PMS2: variants seen among roughly 807,000 people sequenced by gnomAD.
PMS2 encodes the protein PMS1 homolog 2, mismatch repair system component.
A neutral mutation model predicts 90.0 loss-of-function variants in PMS2; 69 were observed. The ratio of observed to expected loss-of-function variants is 0.77; its 90% CI spans 0.63 to 0.94. The LOEUF (loss-of-function observed/expected upper bound fraction) is 0.94. Among genes scored for constraint, PMS2 ranks in the 40% least tolerant of loss-of-function variants. The probability of loss-of-function intolerance (pLI) is 0.00; values close to 1 mark genes in which losing one functional copy is unlikely to be tolerated. For missense variants in PMS2, 966 were observed against 1,040.2 expected, an observed-to-expected ratio of 0.93 and a Z score of 0.98; for synonymous variants, 332 against 375.1, an observed-to-expected ratio of 0.89 and a Z score of 1.33.
At chr7:5,986,422 TGGC>T in intron 11 of PMS2, among the ~76,000 whole-genome samples, 1 of 149,384 alleles carries the variant, frequency 6.7e-6, no homozygotes, top group East Asian at 2.1e-4. Flanking sequence ...CCGGGTGTGG[TGGC>T]TCACACCTGT....
In PMS2 at chr7:5,982,926, A is replaced by G. The variant is rs1230422041; in HGVS notation, c.2072T>C (p.Leu691Pro). Residue 691 changes from leucine (L) to proline (P), a missense_variant, in exon 12 of 15, where the codon CTG becomes CCG. Coordinates refer to ENST00000265849, the MANE Select transcript of PMS2 (RefSeq NM_000535.7). ...QFNLGFIITKLNEDIFIVDQH... is the reference protein window; with the variant it reads ...QFNLGFIITKPNEDIFIVDQH... ...GTCCACTATGAAGATATCCTCATTC[A>G]GTTTGGTTATTATAAATCCCAGGTT... is the stretch of plus-strand genomic sequence containing the variant. 1.9e-6 allele frequency: 3 copies of G among 1,592,948 alleles called. No homozygotes were observed. The highest frequency in any genetic ancestry group is 2.6e-6 in the Non-Finnish European group (3 of 1,166,572).
chr7:5,995,613 T>G lies in PMS2; in HGVS notation c.824A>C (p.Gln275Pro), dbSNP rs546966892. 6.2e-7 allele frequency: 1 copy of G among 1,613,088 alleles called. No homozygotes were observed. The change falls in exon 8 of 15, where the codon CAA becomes CCA. Residue 275 changes from glutamine (Q) to proline (P), a missense_variant. Gln to Pro is a moderately conservative substitution (Grantham distance 76). Transcript: ENST00000265849. ...ACTCCTTCCAACTCCATGCGTGCATTGTGAAATGAAACCTGAGATGCTATT... is the reference window on the plus strand; with the variant it reads ...ACTCCTTCCAACTCCATGCGTGCATGGTGAAATGAAACCTGAGATGCTATT... ...NLFYISGFIS[Q>P]CTHGVGRSST... is the part of the protein sequence containing the mutation.
At chr7:5,998,757 C>T (rs1411524962) in intron 6 of PMS2, among the ~76,000 whole-genome samples, 1 of 151,006 alleles carries the variant, frequency 6.6e-6, no homozygotes, top group Non-Finnish European at 1.5e-5. Context: ...TTTGGGAGGC[C>T]GAGGCTGGTG....
rs1064794017 is a variant in PMS2, at chr7:5,999,170, C to T, written c.643G>A (p.Val215Ile). The change falls in exon 6 of 15, where the codon GTA becomes ATA. Residue 215 changes from valine to isoleucine, a missense_variant. Val to Ile is a conservative substitution (Grantham distance 29). Around this residue, in one of 2 missense-constraint regions of PMS2, gnomAD observed 871 missense variants for 802.4 expected, o/e 1.09. Coordinates refer to ENST00000265849, the MANE Select transcript of PMS2 (RefSeq NM_000535.7). ...ATGCTGGGGCTTCCACCTGTGCATACCACAGGCTGTCGTTTTCCTTGTCCA... is the reference window on the plus strand; with the variant it reads ...ATGCTGGGGCTTCCACCTGTGCATATCACAGGCTGTCGTTTTCCTTGTCCA... The part of the protein sequence containing the change: ...QLGQGKRQPV[V>I]CTGGSPSIKE... 4 of 1,614,038 alleles carry T rather than the reference C, an allele frequency of 2.5e-6. No individual in the cohort carries two copies. Among genetic ancestry groups the T allele is most frequent in the Non-Finnish European group, 3.4e-6 (4 of 1,179,946 alleles).
At chr7:5,988,071 A>AC (rs796876605) in intron 10 of PMS2, among the ~76,000 whole-genome samples, 62 of 144,658 alleles carry the variant, frequency 4.3e-4, no homozygotes, top group Middle Eastern at 3.4e-3. Context: ...AAAAAAAAAA[A>AC]AAAAAAACCA....
chr7:5,989,958 A>G lies in PMS2; in HGVS notation c.989-3T>C, dbSNP rs1156325177. ...AGTAACATTGATATCAACGCATTCT[A>G]AGGCAAAAAAGAAAACATATTTATT... is the stretch of plus-strand genomic sequence containing the variant. On this transcript the variant is annotated splice_polypyrimidine_tract_variant and splice_region_variant and intron_variant, in intron 9 of 14. Transcript: ENST00000265849. 2 of 1,569,564 alleles carry G rather than the reference A, an allele frequency of 1.3e-6. No individual in the cohort carries two copies. The highest frequency in any genetic ancestry group is 1.7e-5 in the Admixed American group (1 of 59,328).
intron 13 of PMS2, among the ~76,000 whole-genome samples, chr7:5,978,002 C>G (rs567486077): frequency 6.7e-6 from 1 of 150,048 alleles, no homozygotes; most frequent in South Asian, 2.1e-4. Context: ...CACCTGTAGT[C>G]CCAGCTACTC....
rs1170825702 is a variant in PMS2 at position 5,987,577 on chromosome 7, C to G, written c.1188G>C (p.Met396Ile). ...AAGGGGATTGATCCTGCTTTTCTAC[C>G]ATGGGCTTTTCCAAATCCGCTGCAT... The part of the protein sequence containing the change: ...KMHAADLEKP[M>I]VEKQDQSPSL... Residue 396 changes from methionine to isoleucine, a missense_variant, in exon 11 of 15, where the codon ATG becomes ATC. By Grantham distance (10) the Met-to-Ile change is conservative (BLOSUM62 1). Transcript: ENST00000265849. 2 of 1,612,064 alleles carry G rather than the reference C, an allele frequency of 1.2e-6. No individual in the cohort carries two copies. Among genetic ancestry groups the G allele is most frequent in the Non-Finnish European group, 1.7e-6 (2 of 1,178,422 alleles).
At chr7:6,008,936 G>A (rs2128864941) in intron 1 of PMS2, 61 bp downstream of exon 1, 2 of 1,597,932 alleles carry the variant, frequency 1.3e-6, no homozygotes, top group Non-Finnish European at 1.7e-6. Flanking sequence ...AGGTTGGAAT[G>A]CCGTGGGTCT....
intron 4 of PMS2, among the ~76,000 whole-genome samples, chr7:6,002,957 G>A (rs968249363): frequency 2.0e-5 from 3 of 151,914 alleles, no homozygotes; most frequent in Admixed American, 2.0e-4. Flanking sequence ...ATTACTCTTC[G>A]AACAAATTTT....
At chr7:5,977,379 C>T (rs1326894824) in intron 14 of PMS2, among the ~76,000 whole-genome samples, 1 of 146,602 alleles carries the variant, frequency 6.8e-6, no homozygotes, top group Non-Finnish European at 1.5e-5. Flanking sequence ...ACAGAGGTAA[C>T]AAAAGAGCAA....
intron 4 of PMS2, chr7:6,003,173 A>G (rs1030950845): frequency 2.5e-5 from 4 of 159,874 alleles, no homozygotes; most frequent in African/African-American, 7.2e-5. Context: ...GCATGCCTAT[A>G]GTACCAGCTC....
rs748141595 is a variant in PMS2 at position 5,999,141 on chromosome 7, C to G, written c.672G>C (p.Lys224Asn). Residue 224 changes from lysine (K) to asparagine (N), a missense_variant, in exon 6 of 15, where the codon AAG becomes AAC. Lys to Asn is a moderately conservative substitution (Grantham distance 94, BLOSUM62 0). This residue lies in a region of PMS2 where 871 missense variants were observed against 802.4 expected (regional missense o/e 1.09). Coordinates refer to ENST00000265849, the MANE Select transcript of PMS2 (RefSeq NM_000535.7). The stretch of plus-strand genomic sequence containing the variant: ...GCCCAAACACAGAGCCGATATTTTC[C>G]TTTATGCTGGGGCTTCCACCTGTGC... ...VVCTGGSPSIKENIGSVFGQK... is the reference protein window; with the variant it reads ...VVCTGGSPSINENIGSVFGQK... The G allele has an allele frequency of 1.9e-6, 3 of 1,614,118 alleles. No individual in the cohort carries two copies. The highest frequency in any genetic ancestry group is 2.5e-6 in the Non-Finnish European group (3 of 1,180,028).
In PMS2 at chr7:5,987,745, T is replaced by C. The variant is rs1283115865; in HGVS notation, c.1145-125A>G. On this transcript the variant is annotated intron_variant, in intron 10 of 14. Transcript: ENST00000265849. The stretch of plus-strand genomic sequence containing the variant: ...TGCTAATTACACAGATGAACACAGT[T>C]CAATGTTCAAAATAAAACTATAATA... 9 of 1,047,352 alleles carry C rather than the reference T, an allele frequency of 8.6e-6. No homozygotes were observed. In the Admixed American group the frequency reaches 8.7e-5, roughly 10 times the overall value. The allele number at this position is 1,047,352 out of a possible 1,614,324, so 64.9% of individuals were successfully genotyped here. A position where few individuals can be genotyped will look rare whatever the true frequency, so the allele number is the denominator to read the frequency against.
intron 10 of PMS2, among the ~76,000 whole-genome samples, chr7:5,989,056 C>T (rs12531179): frequency 0.13 from 19,255 of 151,996 alleles, 1,548 homozygotes; most frequent in East Asian, 0.31. Flanking sequence ...AGAGTTTCAC[C>T]GTGTTAGATA....
chr7:5,977,812 G>A lies in PMS2; in HGVS notation c.2276-55C>T, dbSNP rs1390827086. On this transcript the variant is annotated intron_variant, in intron 13 of 14. Transcript: ENST00000265849. ...ATGACTTGACAAACACGTTTCACTT[G>A]AAAGCTACTTAGGATGAACATCTGA... is the stretch of plus-strand genomic sequence containing the variant. The A allele has an allele frequency of 5.1e-6, 8 of 1,572,314 alleles. No individual in the cohort carries two copies. In the East Asian group the frequency reaches 1.4e-4, roughly 27 times the overall value.
At chr7:6,009,086 C>T (rs1326964118), upstream of PMS2, 2 of 1,561,292 alleles carry the variant, frequency 1.3e-6, no homozygotes, top group Admixed American at 3.3e-5. Flanking sequence ...AGGCGCTCCG[C>T]CTCCTGAACT....
chr7:6,006,030 T>C lies in PMS2; in HGVS notation c.25A>G (p.Thr9Ala), dbSNP rs786202383. The C allele has an allele frequency of 3.1e-6, 5 of 1,610,548 alleles. No homozygotes were observed. Among genetic ancestry groups the C allele is most frequent in the Non-Finnish European group, 4.2e-6 (5 of 1,179,742 alleles). Reference sequence around the variant, plus strand: ...GGTTTGATGGCCTTAGCAGGTTCTGTACTAGAGAAATCAGTTACAAGAAAC... The same window carrying C: ...GGTTTGATGGCCTTAGCAGGTTCTGCACTAGAGAAATCAGTTACAAGAAAC... MERAESSS[T>A]EPAKAIKPID... Residue 9 changes from threonine to alanine, a missense_variant and splice_region_variant, in exon 2 of 15, where the codon ACA becomes GCA. Coordinates refer to ENST00000265849, the MANE Select transcript of PMS2 (RefSeq NM_000535.7).
At position 5,987,196 on chromosome 7, in the gene PMS2, G is replaced by C. The variant is rs141458772; in HGVS notation, c.1569C>G (p.Ser523=). The change falls in exon 11 of 15, where the codon TCC becomes TCG. Residue 523 remains serine (S), a synonymous_variant. Coordinates refer to ENST00000265849, the MANE Select transcript of PMS2 (RefSeq NM_000535.7). ...SHCSSEYAAS[S]PGDRGSQEHV... The stretch of plus-strand genomic sequence containing the variant: ...GTTCCTGCGAGCCCCTGTCCCCTGG[G>C]GAGCTGGCCGCATACTCGCTGCTGC... 3.5e-3 allele frequency: 5,723 copies of C among 1,614,062 alleles called. 66 individuals carry two copies. The highest frequency in any genetic ancestry group is 2.4e-3 in the Non-Finnish European group (2,832 of 1,180,032).
Sources: gnomAD v4.1 joint callset for allele counts (sites outside exome capture counted in the v4.1 genomes callset) on GRCh38, gnomAD v4.1.1 for gene constraint, gnomAD v4.1.1 regional missense constraint, MANE v1.5 for transcripts, NCBI Gene and HGNC (gene_info 2026-07-23, HGNC 2026-07-21) for gene names.